The following MELK variants were observed in gnomAD, a reference collection of about 807,000 sequenced individuals.
MELK encodes the protein maternal embryonic leucine zipper kinase, also known as pEg3 kinase.
In MELK, 81 loss-of-function variants were observed where a neutral mutation model predicts 85.0. That is an observed-to-expected ratio of 0.95 (90% CI 0.80 to 1.15). The LOEUF (loss-of-function observed/expected upper bound fraction) is 1.15, where lower values mean the gene tolerates loss of function less well. Among genes scored for constraint, MELK ranks in the 50% most tolerant of loss-of-function variants. MELK has a pLI of 0.00. For missense variants in MELK, 754 were observed against 777.5 expected, an observed-to-expected ratio of 0.97 and a Z score of 0.36; for synonymous variants, 252 against 265.0, an observed-to-expected ratio of 0.95 and a Z score of 0.48.
intron 1 of MELK, among the ~76,000 whole-genome samples, chr9:36,580,050 T>A (rs1423051428): frequency 6.7e-6 from 1 of 148,586 alleles, no homozygotes; most frequent in South Asian, 2.1e-4. Context: ...TTTTTTTTTT[T>A]TTTTTTTTTT....
intron 8 of MELK, among the ~76,000 whole-genome samples, chr9:36,615,337 G>T (rs1407161366): frequency 7.7e-6 from 1 of 129,620 alleles, no homozygotes; most frequent in African/African-American, 3.2e-5. Flanking sequence ...GGCTGGCCGG[G>T]CGGGGGGCTG....
intron 8 of MELK, among the ~76,000 whole-genome samples, chr9:36,624,351 A>G (rs1343346990): frequency 6.6e-6 from 1 of 152,116 alleles, no homozygotes; most frequent in African/African-American, 2.4e-5. Flanking sequence ...TAGATCCTGG[A>G]TTTGAACCTA....
intron 16 of MELK, among the ~76,000 whole-genome samples, chr9:36,672,349 T>C (rs1415590296): frequency 6.6e-6 from 1 of 152,166 alleles, no homozygotes; most frequent in East Asian, 1.9e-4. Context: ...CATAGTACCA[T>C]TGCACTGAAA....
rs1587594552 is a variant in MELK, at chr9:36,658,225, A to G, written c.1176+862A>G. 2.6e-5 allele frequency among the ~76,000 whole-genome samples: 4 copies of G among 151,770 alleles called. No individual in the cohort carries two copies. The East Asian group carries it at 5.8e-4, about 22-fold the overall frequency. ...AAATTTGGGAAGTTTTCAATATTTT[A>G]TTTGCCCCACTCTCTTTATTTTATC... is the stretch of plus-strand genomic sequence containing the variant. On this transcript the variant is annotated intron_variant, in intron 13 of 17. Coordinates refer to ENST00000298048, the MANE Select transcript of MELK (RefSeq NM_014791.4).
chr9:36,580,873 T>C (rs1822167002), intron 1 of MELK, among the ~76,000 whole-genome samples: 1 of 151,652 alleles, frequency 6.6e-6, no homozygotes, highest in Admixed American at 6.6e-5. Flanking sequence ...GGATTACAGG[T>C]GAATGCCACC....
At chr9:36,608,835 G>A (rs1390769543) in intron 8 of MELK, among the ~76,000 whole-genome samples, 7 of 151,820 alleles carry the variant, frequency 4.6e-5, no homozygotes, top group Admixed American at 2.6e-4. Context: ...TGCCTGCCTC[G>A]GCCTCCCAAA....
In MELK at chr9:36,581,663, A is replaced by G; in HGVS notation, c.-19A>G. 2 of 1,547,964 alleles carry G rather than the reference A, an allele frequency of 1.3e-6. No homozygotes were observed. The highest frequency in any genetic ancestry group is 1.8e-6 in the Non-Finnish European group (2 of 1,122,772). On this transcript the variant is annotated 5_prime_UTR_variant, in exon 2 of 18. Transcript: ENST00000298048. ...TTCTAGGTTCTTTTTCTAATTCCAAATAAACTTGCAAGAGGACTATGAAAG... is the reference window on the plus strand; with the variant it reads ...TTCTAGGTTCTTTTTCTAATTCCAAGTAAACTTGCAAGAGGACTATGAAAG...
At position 36,657,099 on chromosome 9, in the gene MELK, A is replaced by G. The variant is rs370490085; in HGVS notation, c.1054-142A>G. 1.0e-5 allele frequency: 10 copies of G among 991,726 alleles called. No individual in the cohort carries two copies. In the African/African-American group the frequency reaches 1.5e-4, roughly 15 times the overall value. 61.4% of individuals were successfully genotyped at this position (991,726 alleles called of 1,614,324 possible). ...CTGACGTCTCAGTTTGTGTAAGTACATTTTATGATGTTCACACAGTGATAA... is the reference window on the plus strand; with the variant it reads ...CTGACGTCTCAGTTTGTGTAAGTACGTTTTATGATGTTCACACAGTGATAA... On this transcript the variant is annotated intron_variant, in intron 12 of 17. Coordinates refer to ENST00000298048, the MANE Select transcript of MELK (RefSeq NM_014791.4).
intron 8 of MELK, among the ~76,000 whole-genome samples, chr9:36,618,405 C>CAAAAAA (rs367884644): frequency 1.5e-5 from 1 of 68,764 alleles, no homozygotes; most frequent in Non-Finnish European, 3.3e-5. Flanking sequence ...AGAGGCTCCT[C>CAAAAAA]AAAAAAAAAA....
intron 13 of MELK, among the ~76,000 whole-genome samples, chr9:36,660,341 A>G (rs1044313325): frequency 6.6e-6 from 1 of 151,936 alleles, no homozygotes; most frequent in African/African-American, 2.4e-5. Context: ...TTTTTGAGAT[A>G]GGATCTCATT....
rs549443040 is a variant in MELK, at chr9:36,676,692, C to T, written c.1779-468C>T. On this transcript the variant is annotated intron_variant, in intron 17 of 17. Coordinates refer to ENST00000298048, the MANE Select transcript of MELK (RefSeq NM_014791.4). ...AGAAAAACCTCAAAAACACACGTGC[C>T]TTTCTGACAGGTTACTGGCTTCAGC... 6.6e-5 allele frequency among the ~76,000 whole-genome samples: 10 copies of T among 152,284 alleles called. No individual in the cohort carries two copies. The East Asian group carries it at 1.9e-3, about 29-fold the overall frequency.
chr9:36,641,970 A>G (rs1004082990), intron 10 of MELK, among the ~76,000 whole-genome samples: 2 of 151,938 alleles, frequency 1.3e-5, no homozygotes, highest in African/African-American at 2.4e-5. Flanking sequence ...TTCCTGTGTA[A>G]TCTTCTGAGC....
chr9:36,644,682 G>T (rs1442864166), intron 11 of MELK, among the ~76,000 whole-genome samples: 1 of 152,026 alleles, frequency 6.6e-6, no homozygotes, highest in Non-Finnish European at 1.5e-5. Flanking sequence ...TTTTCTTTGG[G>T]ATAATCTTTA....
At chr9:36,655,707 C>T (rs566534564) in intron 12 of MELK, among the ~76,000 whole-genome samples, 1 of 152,312 alleles carries the variant, frequency 6.6e-6, no homozygotes, top group East Asian at 1.9e-4. Context: ...TGACAGCCGT[C>T]ATTCGTACAG....
intron 8 of MELK, among the ~76,000 whole-genome samples, chr9:36,612,014 G>C (rs1826110671): frequency 6.6e-6 from 1 of 151,866 alleles, no homozygotes; most frequent in South Asian, 2.1e-4. Context: ...CTCGTGATCT[G>C]CGCTCCTCTG....
intron 9 of MELK, among the ~76,000 whole-genome samples, chr9:36,630,982 T>G (rs554705026): frequency 7.1e-6 from 1 of 140,592 alleles, no homozygotes; most frequent in South Asian, 2.3e-4. Flanking sequence ...TTTTTTTATT[T>G]AGATGGAGTC....
At chr9:36,650,404 CATA>C (rs1357206497) in intron 11 of MELK, among the ~76,000 whole-genome samples, 1 of 152,082 alleles carries the variant, frequency 6.6e-6, no homozygotes, top group African/African-American at 2.4e-5. Context: ...AGTGGAATTT[CATA>C]ATAAGATTCA....
rs369059064 is a variant in MELK, at chr9:36,665,553, G to A, written c.1380G>A (p.Thr460=). The A allele has an allele frequency of 6.9e-5, 111 of 1,613,064 alleles. No homozygotes were observed. The highest frequency in any genetic ancestry group is 3.3e-4 in the Middle Eastern group (2 of 6,074). ...AGCATAAGAGAGAAATACTCACTAC[G>A]CCAAATCGTTACACTACACCCTCAA... ...KNQHKREILT[T]PNRYTTPSKA... The change falls in exon 14 of 18, where the codon ACG becomes ACA. Residue 460 remains threonine, a synonymous_variant. Coordinates refer to ENST00000298048, the MANE Select transcript of MELK (RefSeq NM_014791.4).
At position 36,665,412 on chromosome 9, in the gene MELK, C is replaced by G. The variant is rs1832245122; in HGVS notation, c.1239C>G (p.Cys413Trp). Reference sequence around the variant, plus strand: ...CTAAATCATTAACTCCAGCCTTATGCAGAACACCTGCAAATAAATTAAAGA... The same window carrying G: ...CTAAATCATTAACTCCAGCCTTATGGAGAACACCTGCAAATAAATTAAAGA... ...VESKSLTPAL[C>W]RTPANKLKNK... is the part of the protein sequence containing the mutation. The change falls in exon 14 of 18, where the codon TGC becomes TGG. Residue 413 changes from cysteine (C) to tryptophan (W), a missense_variant. Cys to Trp is a radical substitution (Grantham distance 215, BLOSUM62 -2). Transcript: ENST00000298048. The G allele has an allele frequency of 6.2e-7, 1 of 1,613,336 alleles. No homozygotes were observed.
Sources: gnomAD v4.1 joint callset for allele counts (sites outside exome capture counted in the v4.1 genomes callset) on GRCh38, gnomAD v4.1.1 for gene constraint, MANE v1.5 for transcripts, NCBI Gene and HGNC (gene_info 2026-07-23, HGNC 2026-07-21) for gene names.